The following MCF2L variants were observed in gnomAD, a reference collection of about 807,000 sequenced individuals.
The protein encoded by MCF2L is guanine nucleotide exchange factor DBS.
Under a neutral mutation model 153.4 loss-of-function variants are expected in MCF2L, and 97 were observed. The ratio of observed to expected loss-of-function variants is 0.63; its 90% CI spans 0.54 to 0.75. The LOEUF (loss-of-function observed/expected upper bound fraction) is 0.75, where lower values mean the gene tolerates loss of function less well. MCF2L is among the 30% of genes least tolerant of loss of function. The pLI is 0.00. For synonymous variants in MCF2L, 659 were observed against 632.2 expected (o/e 1.04, Z -0.64); for missense variants, 1,347 against 1,495.2 (o/e 0.90, Z 1.64).
At chr13:112,986,090 C>T (rs972564873) in intron 1 of MCF2L, among the ~76,000 whole-genome samples, 2 of 152,260 alleles carry the variant, frequency 1.3e-5, no homozygotes, top group African/African-American at 4.8e-5. Context: ...CATTCCACCT[C>T]GAAATCCAGA....
At chr13:112,897,144 C>G (rs2081075161) in intron 1 of MCF2L, among the ~76,000 whole-genome samples, 1 of 152,232 alleles carries the variant, frequency 6.6e-6, no homozygotes, top group African/African-American at 2.4e-5. Flanking sequence ...TGGCCTCTGA[C>G]TCACATGGCC....
intron 4 of MCF2L, among the ~76,000 whole-genome samples, chr13:113,056,531 GTGTT>G (rs1359394204): frequency 1.4e-5 from 2 of 143,988 alleles, no homozygotes; most frequent in Non-Finnish European, 3.0e-5. Context: ...TGGGTGCTGT[GTGTT>G]TGGGTGCTGA....
At chr13:112,900,448 T>C (rs953647686) in intron 1 of MCF2L, among the ~76,000 whole-genome samples, 34 of 152,128 alleles carry the variant, frequency 2.2e-4, no homozygotes, top group Non-Finnish European at 7.4e-5. Context: ...ACAAAAGACA[T>C]GTATGAAAAA....
intron 3 of MCF2L, among the ~76,000 whole-genome samples, chr13:113,041,175 C>T (rs889240741): frequency 5.3e-5 from 8 of 152,288 alleles, no homozygotes; most frequent in African/African-American, 1.9e-4. Context: ...TATTCTACCC[C>T]AACTCCTCCG....
At chr13:112,974,504 G>A (rs538615674) in intron 1 of MCF2L, among the ~76,000 whole-genome samples, 5 of 152,268 alleles carry the variant, frequency 3.3e-5, no homozygotes, top group African/African-American at 9.6e-5. Context: ...GAAAGTGCAT[G>A]GATTTTAGGG....
chr13:113,096,313 G>GGGGCTGCTGCC lies in MCF2L; in HGVS notation c.3076-54_3076-44dup, dbSNP rs1350465728. ...GCCCGGCACTCCGCCTGGCTGCTGT[G>GGGGCTGCTGCC]GGGCTGCTGCCGGGGCGGGTGCTGA... On this transcript the variant is annotated intron_variant, in intron 27 of 29. Transcript: ENST00000535094. The GGGGCTGCTGCC allele has an allele frequency of 6.0e-6, 8 of 1,343,658 alleles. No individual in the cohort carries two copies. In the Admixed American group the frequency reaches 1.6e-4, roughly 27 times the overall value. The allele number at this position is 1,343,658 out of a possible 1,614,324, so 83.2% of individuals were successfully genotyped here.
chr13:112,916,070 T>C (rs993989137), intron 2 of MCF2L, among the ~76,000 whole-genome samples: 2 of 148,636 alleles, frequency 1.3e-5, no homozygotes, highest in African/African-American at 4.9e-5. Context: ...TAGCCGGGCA[T>C]GATGGCGGTT....
intron 3 of MCF2L, among the ~76,000 whole-genome samples, chr13:113,042,105 G>A (rs1002672873): frequency 1.3e-5 from 2 of 152,120 alleles, no homozygotes; most frequent in African/African-American, 4.8e-5. Flanking sequence ...CATGCCTCCT[G>A]CCTGCACCCC....
At chr13:112,902,099 C>A in intron 1 of MCF2L, 2 of 859,154 alleles carry the variant, frequency 2.3e-6, no homozygotes, top group Non-Finnish European at 3.7e-6. Context: ...ATAAATACCA[C>A]GAAGGTTGTA....
chr13:113,079,816 A>C (rs1055823212), intron 15 of MCF2L, among the ~76,000 whole-genome samples: 2 of 3,256 alleles, frequency 6.1e-4, no homozygotes, highest in Admixed American at 3.7e-3. Flanking sequence ...GGAATGTCTG[A>C]ATGGAGGAGG....
chr13:113,096,574 CAAG>C lies in MCF2L; in HGVS notation c.3214_3216del (p.Lys1072del). The C allele has an allele frequency of 6.2e-7, 1 of 1,604,690 alleles. No homozygotes were observed. The highest frequency in any genetic ancestry group is 1.1e-5 in the South Asian group (1 of 90,402). ...GGTACGTCAGGGACCCGACCACTGG[CAAG>C]GAGGGCTGGGTGCCGGCCAGCAGCC... On this transcript the variant is annotated inframe_deletion, in exon 29 of 30. Transcript: ENST00000535094.
intron 2 of MCF2L, among the ~76,000 whole-genome samples, chr13:112,921,020 C>T (rs1280986485): frequency 6.7e-6 from 1 of 149,190 alleles, no homozygotes; most frequent in Non-Finnish European, 1.5e-5. Flanking sequence ...AAAAAAAAAT[C>T]CAAAAAATTA....
intron 4 of MCF2L, among the ~76,000 whole-genome samples, chr13:113,057,178 AGGTGCTGTGTGTTTT>A (rs1318437724): frequency 2.8e-5 from 2 of 70,348 alleles, no homozygotes; most frequent in Non-Finnish European, 5.6e-5. Context: ...GGTGCTGAGT[AGGTGCTGTGTGTTTT>A]GGTGCTGAGT....
chr13:112,898,442 C>T (rs1396060397), intron 1 of MCF2L, among the ~76,000 whole-genome samples: 1 of 152,132 alleles, frequency 6.6e-6, no homozygotes, highest in African/African-American at 2.4e-5. Flanking sequence ...CCCCGTGAAC[C>T]GAGCTCGGCA....
intron 3 of MCF2L, among the ~76,000 whole-genome samples, chr13:113,029,338 TC>T (rs996256867): frequency 2.0e-5 from 3 of 152,180 alleles, no homozygotes; most frequent in African/African-American, 7.2e-5. Flanking sequence ...AGCATGTCCT[TC>T]CAGAGAGAGT....
intron 1 of MCF2L, among the ~76,000 whole-genome samples, chr13:112,984,621 A>G (rs2082561711): frequency 6.6e-6 from 1 of 152,208 alleles, no homozygotes. Flanking sequence ...AAGCAGATAA[A>G]TACATTTGAG....
rs2081970490 is a variant in MCF2L, at chr13:112,969,538, T to A, written c.79+80T>A. 6.5e-7 allele frequency: 1 copy of A among 1,535,748 alleles called. No individual in the cohort carries two copies. The highest frequency in any genetic ancestry group is 1.4e-5 in the African/African-American group (1 of 72,698). On this transcript the variant is annotated intron_variant, in intron 1 of 29. Coordinates refer to ENST00000535094, the MANE Select transcript of MCF2L (RefSeq NM_001112732.3). The surrounding 1 kb of genome is among the most constrained non-coding windows in gnomAD (Gnocchi z 4.8). ...TGAAATGTGGGGAAATGCGTCTGATTTTTGTAAGCCGCCCTCGTGTTCCTT... is the reference window on the plus strand; with the variant it reads ...TGAAATGTGGGGAAATGCGTCTGATATTTGTAAGCCGCCCTCGTGTTCCTT...
intron 1 of MCF2L, among the ~76,000 whole-genome samples, chr13:112,896,797 G>A (rs2081072117): frequency 6.6e-6 from 1 of 152,230 alleles, no homozygotes; most frequent in Admixed American, 6.5e-5. Flanking sequence ...GCATCTTGGT[G>A]ACAGCATCCC....
intron 1 of MCF2L, chr13:112,985,613 T>C: frequency 2.9e-6 from 1 of 349,454 alleles, no homozygotes. Context: ...GTGTCCCCTG[T>C]GGAATTTGCA....
Sources: gnomAD v4.1 joint callset for allele counts (sites outside exome capture counted in the v4.1 genomes callset) on GRCh38, gnomAD v4.1.1 for gene constraint, Gnocchi (gnomAD v3.1) non-coding constraint, MANE v1.5 for transcripts, NCBI Gene and HGNC (gene_info 2026-07-23, HGNC 2026-07-21) for gene names.